The following DLC1 variants were observed in gnomAD, a reference collection of about 807,000 sequenced individuals.
DLC1 encodes the protein DLC1 Rho GTPase activating protein.
DLC1 carries 54 observed loss-of-function variants against 140.3 expected under a neutral mutation model. The observed-to-expected ratio is 0.38, with a 90% confidence interval of 0.31 to 0.48. DLC1 has a LOEUF of 0.48. Among genes scored for constraint, DLC1 ranks in the 20% least tolerant of loss-of-function variants. DLC1 has a pLI of 0.96. For synonymous variants in DLC1, 986 were observed against 728.1 expected (o/e 1.35, Z -5.70); for missense variants, 2,536 against 1,907.0 (o/e 1.33, Z -6.14).
At chr8:13,571,233 A>G (rs1563448564) in intron 1 of DLC1, among the ~76,000 whole-genome samples, 1 of 152,074 alleles carries the variant, frequency 6.6e-6, no homozygotes, top group Non-Finnish European at 1.5e-5. Flanking sequence ...CATAACAGAA[A>G]TTTGCCACTT....
intron 2 of DLC1, among the ~76,000 whole-genome samples, chr8:13,411,316 C>T (rs1449999452): frequency 6.6e-6 from 1 of 152,154 alleles, no homozygotes; most frequent in African/African-American, 2.4e-5. Flanking sequence ...GTCTGACGAG[C>T]TATCTACTGA....
At chr8:13,151,777 A>C (rs1033082027) in intron 5 of DLC1, among the ~76,000 whole-genome samples, 3 of 152,222 alleles carry the variant, frequency 2.0e-5, no homozygotes, top group South Asian at 4.1e-4. Context: ...GAGTGTCTGA[A>C]GGACAGGGGT....
intron 2 of DLC1, among the ~76,000 whole-genome samples, chr8:13,449,477 T>C (rs922637096): frequency 6.6e-6 from 1 of 152,186 alleles, no homozygotes; most frequent in Non-Finnish European, 1.5e-5. Flanking sequence ...GGCTATAGGA[T>C]GCATCATTGG....
At chr8:13,578,265 T>G (rs567482863) in intron 1 of DLC1, among the ~76,000 whole-genome samples, 1 of 152,294 alleles carries the variant, frequency 6.6e-6, no homozygotes, top group South Asian at 2.1e-4. Flanking sequence ...CCCAGCCACA[T>G]GTTTCAGTGA....
chr8:13,144,794 T>C (rs1401699545), intron 5 of DLC1, among the ~76,000 whole-genome samples: 2 of 152,052 alleles, frequency 1.3e-5, no homozygotes, highest in Non-Finnish European at 2.9e-5. Context: ...ATAAATTCTC[T>C]CTCATCCATC....
rs78419035 is a variant in DLC1 at position 13,295,045 on chromosome 8, C to T, written c.1348+10224G>A. Among the ~76,000 whole-genome samples the T allele has an allele frequency of 5.4e-3, 815 of 152,114 alleles. 6 individuals are homozygous for T. Among genetic ancestry groups the T allele is most frequent in the African/African-American group, 0.018 (743 of 41,482 alleles). Reference sequence around the variant, plus strand: ...TTAAGAGGCTGGCATTACCAAGGTGCGGGGAAGATGTCTGCCTTTTAGGAA... The same window carrying T: ...TTAAGAGGCTGGCATTACCAAGGTGTGGGGAAGATGTCTGCCTTTTAGGAA... On this transcript the variant is annotated intron_variant, in intron 5 of 17. Coordinates refer to ENST00000276297, the MANE Select transcript of DLC1 (RefSeq NM_182643.3).
At chr8:13,440,692 G>A (rs953206237) in intron 2 of DLC1, among the ~76,000 whole-genome samples, 6 of 152,132 alleles carry the variant, frequency 3.9e-5, no homozygotes, top group South Asian at 2.1e-4. Context: ...GAGGGATCTA[G>A]GGGGAGGTAA....
At chr8:13,555,749 C>T (rs950175069) in intron 1 of DLC1, among the ~76,000 whole-genome samples, 6 of 151,850 alleles carry the variant, frequency 4.0e-5, no homozygotes, top group African/African-American at 7.3e-5. Flanking sequence ...TGATCCTCTC[C>T]GCTTGGCCTC....
At chr8:13,253,970 T>C (rs752108104) in intron 5 of DLC1, among the ~76,000 whole-genome samples, 1 of 152,066 alleles carries the variant, frequency 6.6e-6, no homozygotes, top group Admixed American at 6.5e-5. Context: ...CCATCTAACG[T>C]TTGGGTGAAT....
intron 5 of DLC1, among the ~76,000 whole-genome samples, chr8:13,223,419 C>A (rs1387908060): frequency 1.3e-5 from 2 of 152,120 alleles, no homozygotes; most frequent in African/African-American, 2.4e-5. Flanking sequence ...CTCTGTGAAG[C>A]CTTTCTTTTT....
chr8:13,271,187 T>G (rs1050419321), intron 5 of DLC1, among the ~76,000 whole-genome samples: 2 of 152,254 alleles, frequency 1.3e-5, no homozygotes, highest in Non-Finnish European at 2.9e-5. Context: ...AACGGTTGTC[T>G]GTCTTTAAAA....
chr8:13,099,369 C>A lies in DLC1; in HGVS notation c.2968G>T (p.Ala990Ser). Reference sequence around the variant, plus strand: ...TACCTGTTGGACCTGGTTAGGGAAGCCCCAACCCCAGAATCCCTTCTTTCC... The same window carrying A: ...TACCTGTTGGACCTGGTTAGGGAAGACCCAACCCCAGAATCCCTTCTTTCC... ...IPERRDSGVG[A>S]SLTRSNRHRL... The change falls in exon 9 of 18, where the codon GCT becomes TCT. Residue 990 changes from alanine to serine, a missense_variant. Coordinates refer to ENST00000276297, the MANE Select transcript of DLC1 (RefSeq NM_182643.3). The A allele has an allele frequency of 6.2e-7, 1 of 1,613,888 alleles. No homozygotes were observed. Among genetic ancestry groups the A allele is most frequent in the East Asian group, 2.2e-5 (1 of 44,862 alleles).
chr8:13,351,689 G>A (rs1834671259), intron 4 of DLC1, among the ~76,000 whole-genome samples: 1 of 152,148 alleles, frequency 6.6e-6, no homozygotes, highest in South Asian at 2.1e-4. Context: ...GACAGAGACT[G>A]GAGAGCCCAC....
intron 5 of DLC1, among the ~76,000 whole-genome samples, chr8:13,255,630 C>A (rs987493435): frequency 6.6e-6 from 1 of 152,156 alleles, no homozygotes; most frequent in African/African-American, 2.4e-5. Context: ...CCTTGCATGG[C>A]CAGCTTTCAC....
At chr8:13,370,982 A>G (rs1366825235) in intron 4 of DLC1, among the ~76,000 whole-genome samples, 3 of 152,124 alleles carry the variant, frequency 2.0e-5, no homozygotes, top group Non-Finnish European at 2.9e-5. Flanking sequence ...GACGTACTCT[A>G]TTCTTGAGGG....
At chr8:13,530,547 C>T (rs1005098405) in intron 1 of DLC1, among the ~76,000 whole-genome samples, 16 of 152,048 alleles carry the variant, frequency 1.1e-4, no homozygotes, top group African/African-American at 3.4e-4. Context: ...GTAGTATATC[C>T]TTGAGCCAGA....
intron 5 of DLC1, among the ~76,000 whole-genome samples, chr8:13,293,831 A>C (rs1330933793): frequency 1.3e-5 from 2 of 149,860 alleles, no homozygotes; most frequent in East Asian, 3.9e-4. Context: ...CTTAAAATAT[A>C]ATTGAGAGGA....
chr8:13,390,075 C>T (rs1311097790), intron 4 of DLC1, among the ~76,000 whole-genome samples: 4 of 152,146 alleles, frequency 2.6e-5, no homozygotes, highest in African/African-American at 9.7e-5. Flanking sequence ...GAGAAAGTAT[C>T]TGTTTAATCT....
chr8:13,132,205 CTGTGTGTGTGTGTGTG>C (rs147699066), intron 5 of DLC1, among the ~76,000 whole-genome samples: 1 of 139,114 alleles, frequency 7.2e-6, no homozygotes, highest in Non-Finnish European at 1.5e-5. Flanking sequence ...AAAACCAAAA[CTGTGTGTGTGTGTGTG>C]TGTGTGTGTG....
Sources: allele counts gnomAD v4.1 joint callset (sites outside exome capture counted in the v4.1 genomes callset), GRCh38; gene constraint gnomAD v4.1.1; transcripts MANE v1.5; gene names NCBI Gene and HGNC (gene_info 2026-07-23, HGNC 2026-07-21).